The following LRP1B variants were observed in gnomAD, a reference collection of about 807,000 sequenced individuals.
The protein encoded by LRP1B is LDL receptor related protein 1B, also known as low-density lipoprotein receptor-related protein 1B.
In LRP1B, 217 loss-of-function variants were observed where a neutral mutation model predicts 556.6. The ratio of observed to expected loss-of-function variants is 0.39; its 90% CI spans 0.35 to 0.44. LRP1B has a LOEUF of 0.44. Ranked by LOEUF, LRP1B falls within the 20% of genes least tolerant of loss-of-function variation. LRP1B has a pLI of 1.00. For synonymous variants in LRP1B, 2,047 were observed against 1,865.8 expected (o/e 1.10, Z -2.50); for missense variants, 5,053 against 5,620.8 (o/e 0.90, Z 3.23).
chr2:141,752,851 G>T (rs991720814), intron 2 of LRP1B, among the ~76,000 whole-genome samples: 1 of 147,690 alleles, frequency 6.8e-6, no homozygotes, highest in African/African-American at 2.5e-5. Context: ...GGCTGAGATG[G>T]GAGGATCACT....
chr2:140,890,154 A>G (rs890522393), intron 23 of LRP1B, among the ~76,000 whole-genome samples: 3 of 147,338 alleles, frequency 2.0e-5, no homozygotes, highest in African/African-American at 7.3e-5. Flanking sequence ...TAACTTGTGT[A>G]TATATAAAAG....
rs71281835 is a variant in LRP1B at position 141,517,259 on chromosome 2, T to TAC, written c.206-36728_206-36727dup. 2.8e-5 allele frequency among the ~76,000 whole-genome samples: 4 copies of TAC among 141,482 alleles called. 1 individual carries two copies. The highest frequency in any genetic ancestry group is 1.4e-4 in the Admixed American group (2 of 14,008). 92.8% of individuals were successfully genotyped at this position (141,482 alleles called of 152,430 possible). A position where few individuals can be genotyped will look rare whatever the true frequency, so the allele number is the denominator to read the frequency against. On this transcript the variant is annotated intron_variant, in intron 2 of 90. Coordinates refer to ENST00000389484, the MANE Select transcript of LRP1B (RefSeq NM_018557.3). ...TGACCATGTCTTAGAAGGACAAGAATACGCACACACACAGACACACACACA... is the reference window on the plus strand; with the variant it reads ...TGACCATGTCTTAGAAGGACAAGAATACACGCACACACACAGACACACACACA...
At chr2:141,213,815 AC>A (rs1219708689) in intron 6 of LRP1B, among the ~76,000 whole-genome samples, 2 of 151,842 alleles carry the variant, frequency 1.3e-5, no homozygotes, top group African/African-American at 4.8e-5. Flanking sequence ...ATTATTTTTT[AC>A]TGGTTTTTTT....
At chr2:141,453,266 T>C (rs988500335) in intron 3 of LRP1B, among the ~76,000 whole-genome samples, 1 of 151,976 alleles carries the variant, frequency 6.6e-6, no homozygotes, top group African/African-American at 2.4e-5. Context: ...AAAATAACAA[T>C]GTCTGAGGAT....
rs184430998 is a variant in LRP1B at position 140,800,089 on chromosome 2, T to G, written c.5359+13568A>C. Among the ~76,000 whole-genome samples the G allele has an allele frequency of 7.3e-4, 111 of 152,292 alleles. 1 individual carries two copies. Among genetic ancestry groups the G allele is most frequent in the Non-Finnish European group, 1.1e-3 (72 of 68,024 alleles). On this transcript the variant is annotated intron_variant, in intron 32 of 90. Transcript: ENST00000389484. ...TGCCATAAAAAAGGATGAGTTCATG[T>G]CCTTTGTAGGGACATGGATGAAGCT... is the stretch of plus-strand genomic sequence containing the variant.
chr2:141,490,040 G>A (rs1683270925), intron 2 of LRP1B, among the ~76,000 whole-genome samples: 1 of 152,108 alleles, frequency 6.6e-6, no homozygotes, highest in African/African-American at 2.4e-5. Context: ...TTGTCCAGCT[G>A]CAGTACCCTT....
chr2:141,822,287 G>A (rs1160489030), intron 1 of LRP1B, among the ~76,000 whole-genome samples: 1 of 152,038 alleles, frequency 6.6e-6, no homozygotes, highest in Non-Finnish European at 1.5e-5. Context: ...GCAGTTGTGT[G>A]TTCTTTTCTG....
At chr2:140,399,529 G>T (rs1014833262) in intron 66 of LRP1B, among the ~76,000 whole-genome samples, 4 of 151,898 alleles carry the variant, frequency 2.6e-5, no homozygotes, top group Non-Finnish European at 4.4e-5. Flanking sequence ...AGCTTAAAAT[G>T]CTTAGAAAAA....
At chr2:141,522,312 G>A (rs1684554502) in intron 2 of LRP1B, among the ~76,000 whole-genome samples, 1 of 152,050 alleles carries the variant, frequency 6.6e-6, no homozygotes, top group Non-Finnish European at 1.5e-5. Context: ...CTTTTCCATT[G>A]ATGTTTCAGT....
rs869119147 is a variant in LRP1B at position 141,339,767 on chromosome 2, T to TTTTATTTATTTATTTA, written c.344-85142_344-85127dup. ...GAGTCATGGTTTATTTATTTTTCTC[T>TTTTATTTATTTATTTA]TTTATTTATTTATTTATTTATTTAT... is the stretch of plus-strand genomic sequence containing the variant. On this transcript the variant is annotated intron_variant, in intron 3 of 90. Coordinates refer to ENST00000389484, the MANE Select transcript of LRP1B (RefSeq NM_018557.3). Among the ~76,000 whole-genome samples, 12 of 31,616 alleles carry TTTTATTTATTTATTTA rather than the reference T, an allele frequency of 3.8e-4. No homozygotes were observed. The South Asian group carries it at 7.7e-3, about 20-fold the overall frequency. The allele number at this position is 31,616 out of a possible 152,430, so 20.7% of individuals were successfully genotyped here. A position where few individuals can be genotyped will look rare whatever the true frequency, so the allele number is the denominator to read the frequency against.
At chr2:141,787,642 C>G (rs954250715) in intron 2 of LRP1B, among the ~76,000 whole-genome samples, 21 of 151,780 alleles carry the variant, frequency 1.4e-4, no homozygotes, top group African/African-American at 4.3e-4. Flanking sequence ...AGAGAATTTT[C>G]TAACTCTTGA....
intron 2 of LRP1B, among the ~76,000 whole-genome samples, chr2:141,484,803 A>G (rs1272204195): frequency 6.6e-6 from 1 of 152,016 alleles, no homozygotes; most frequent in Non-Finnish European, 1.5e-5. Flanking sequence ...TGATTTTTGT[A>G]CGTTGATTTT....
Position 141,804,899 on chromosome 2 carries a change from C to T in LRP1B, c.205+5380G>A, listed in dbSNP as rs1574379658. On this transcript the variant is annotated intron_variant, in intron 2 of 90. Transcript: ENST00000389484. Reference sequence around the variant, plus strand: ...ACTGAGCCTTGGAGCCAAGCAGTTGCTGTGATCATGCACTGTGCATACCAT... The same window carrying T: ...ACTGAGCCTTGGAGCCAAGCAGTTGTTGTGATCATGCACTGTGCATACCAT... 3.3e-5 allele frequency among the ~76,000 whole-genome samples: 5 copies of T among 152,178 alleles called. 1 individual carries two copies. The highest frequency in any genetic ancestry group is 3.3e-4 in the Admixed American group (5 of 15,254).
intron 3 of LRP1B, among the ~76,000 whole-genome samples, chr2:141,265,451 G>A (rs978744710): frequency 1.3e-5 from 2 of 152,208 alleles, no homozygotes; most frequent in African/African-American, 4.8e-5. Flanking sequence ...TGAGGATTCT[G>A]CGCTAGAACT....
At chr2:141,164,320 T>C (rs1558903966) in intron 7 of LRP1B, among the ~76,000 whole-genome samples, 1 of 152,078 alleles carries the variant, frequency 6.6e-6, no homozygotes, top group Non-Finnish European at 1.5e-5. Flanking sequence ...AAAAGTTGAC[T>C]AACATTGGTA....
chr2:140,747,970 C>A (rs1352493552), intron 35 of LRP1B, among the ~76,000 whole-genome samples: 1 of 150,636 alleles, frequency 6.6e-6, no homozygotes, highest in Non-Finnish European at 1.5e-5. Flanking sequence ...TTGTTCCATG[C>A]CACTTAGTCT....
intron 71 of LRP1B, among the ~76,000 whole-genome samples, chr2:140,370,164 C>G (rs1352148189): frequency 6.6e-6 from 1 of 151,810 alleles, no homozygotes; most frequent in African/African-American, 2.4e-5. Flanking sequence ...TAATATATGA[C>G]AAAAAGGAAA....
intron 66 of LRP1B, 35 bp downstream of exon 66, chr2:140,442,469 A>G: frequency 3.1e-6 from 5 of 1,596,396 alleles, no homozygotes; most frequent in Non-Finnish European, 3.4e-6. Flanking sequence ...TGACTCAAAT[A>G]CGGAGAGATA....
chr2:141,175,357 A>C (rs1680689285), intron 7 of LRP1B, among the ~76,000 whole-genome samples: 1 of 152,124 alleles, frequency 6.6e-6, no homozygotes, highest in Non-Finnish European at 1.5e-5. Flanking sequence ...CTATGAGAGA[A>C]AAGTGGTTCC....
Sources: gnomAD v4.1 joint callset for allele counts (sites outside exome capture counted in the v4.1 genomes callset) on GRCh38, gnomAD v4.1.1 for gene constraint, MANE v1.5 for transcripts, NCBI Gene and HGNC (gene_info 2026-07-23, HGNC 2026-07-21) for gene names.